Variants in C10orf90 observed in about 807,000 individuals in gnomAD.
The protein encoded by C10orf90 is chromosome 10 open reading frame 90, also known as (E2-independent) E3 ubiquitin-conjugating enzyme FATS.
A neutral mutation model predicts 62.5 loss-of-function variants in C10orf90; 56 were observed. That is an observed-to-expected ratio of 0.90 (90% CI 0.72 to 1.12). The LOEUF is 1.12. Among genes scored for constraint, C10orf90 ranks in the 50% most tolerant of loss-of-function variants. C10orf90 has a pLI of 0.00. For synonymous variants in C10orf90, 386 were observed against 340.4 expected (o/e 1.13, Z -1.47); for missense variants, 970 against 880.4 (o/e 1.10, Z -1.29).
At chr10:126,592,697 T>A (rs1044483560) in intron 2 of C10orf90, among the ~76,000 whole-genome samples, 3 of 152,018 alleles carry the variant, frequency 2.0e-5, no homozygotes, top group African/African-American at 7.2e-5. Flanking sequence ...ACAAATGGGA[T>A]CTAATTAAAC....
chr10:126,544,585 G>A (rs1402967640), intron 2 of C10orf90, among the ~76,000 whole-genome samples: 2 of 151,744 alleles, frequency 1.3e-5, no homozygotes, highest in Non-Finnish European at 2.9e-5. Flanking sequence ...CAGAATTTGT[G>A]ACATTTGGCA....
intron 2 of C10orf90, among the ~76,000 whole-genome samples, chr10:126,601,210 A>G (rs1268894225): frequency 6.6e-6 from 1 of 152,156 alleles, no homozygotes; most frequent in East Asian, 1.9e-4. Context: ...GAGGGTGGGG[A>G]GATGTAGGTT....
chr10:126,634,572 C>A (rs886165100), intron 2 of C10orf90, among the ~76,000 whole-genome samples: 1 of 151,950 alleles, frequency 6.6e-6, no homozygotes, highest in Non-Finnish European at 1.5e-5. Context: ...AACAAGTGTA[C>A]AATAGCGTAT....
At chr10:126,495,665 G>C (rs1862006453) in intron 4 of C10orf90, among the ~76,000 whole-genome samples, 1 of 152,150 alleles carries the variant, frequency 6.6e-6, no homozygotes, top group South Asian at 2.1e-4. Context: ...TTTACAGAAA[G>C]ATATGGACTT....
Position 126,646,597 on chromosome 10 carries a change from G to A in C10orf90, c.281C>T (p.Ala94Val). 2.2e-6 allele frequency: 1 copy of A among 450,024 alleles called. No individual in the cohort carries two copies. Among genetic ancestry groups the A allele is most frequent in the Non-Finnish European group, 4.5e-6 (1 of 224,230 alleles). 27.9% of individuals were successfully genotyped at this position (450,024 alleles called of 1,614,324 possible). The change falls in exon 2 of 10, where the codon GCC (alanine) becomes GTC (valine). Residue 94 changes from alanine to valine, a missense_variant. Ala to Val is a moderately conservative substitution (Grantham distance 64). Coordinates refer to ENST00000488181, the MANE Select transcript of C10orf90 (RefSeq NM_001350921.2). ...GGAAAGACTTTCATTTCTTTCCCAG[G>A]CAGAATGATCTTTGGGGGATGAGAA... is the stretch of plus-strand genomic sequence containing the variant. ...RLFSSPKDHS[A>V]WERNESLSNA...
At chr10:126,556,132 T>C (rs1448440828) in intron 2 of C10orf90, among the ~76,000 whole-genome samples, 1 of 152,232 alleles carries the variant, frequency 6.6e-6, no homozygotes, top group Non-Finnish European at 1.5e-5. Flanking sequence ...TGGCATGTGG[T>C]CAAGTTACAC....
intron 2 of C10orf90, among the ~76,000 whole-genome samples, chr10:126,541,338 T>TA (rs1490553430): frequency 2.6e-5 from 4 of 151,952 alleles, no homozygotes; most frequent in Non-Finnish European, 4.4e-5. Context: ...AATAAAATTT[T>TA]AAAAAACATT....
chr10:126,439,327 G>T (rs1241880436), intron 7 of C10orf90, among the ~76,000 whole-genome samples: 1 of 152,136 alleles, frequency 6.6e-6, no homozygotes, highest in Non-Finnish European at 1.5e-5. Flanking sequence ...TTCCCCCAAT[G>T]AAACCAGTAC....
intron 2 of C10orf90, among the ~76,000 whole-genome samples, chr10:126,519,150 T>C (rs1008061063): frequency 1.3e-5 from 2 of 151,480 alleles, no homozygotes; most frequent in Non-Finnish European, 2.9e-5. Flanking sequence ...TCAGATGGGG[T>C]TGGGTTTAGA....
In C10orf90 at chr10:126,441,878, A is replaced by G. The variant is rs192816487; in HGVS notation, c.2189-12028T>C. On this transcript the variant is annotated intron_variant, in intron 7 of 9. Transcript: ENST00000488181. ...CAAGCCACCACTAAAAGAACTCTAA[A>G]AGTGCTCTAAATCATGAAACAAATC... Among the ~76,000 whole-genome samples, 1,485 of 152,300 alleles carry G rather than the reference A, an allele frequency of 9.8e-3. 10 individuals are homozygous for G. The highest frequency in any genetic ancestry group is 0.031 in the Middle Eastern group (9 of 294).
At position 126,519,085 on chromosome 10, in the gene C10orf90, G is replaced by A. The variant is rs150836694; in HGVS notation, c.314-5146C>T. On this transcript the variant is annotated intron_variant, in intron 2 of 9. Transcript: ENST00000488181. The stretch of plus-strand genomic sequence containing the variant: ...ATAAGCCACGGACAGAGCCCTTCCA[G>A]CAGAGGGAACCAGGAAAAGTTGGTG... Among the ~76,000 whole-genome samples the A allele has an allele frequency of 4.7e-4, 72 of 152,292 alleles. No individual in the cohort carries two copies. The East Asian group carries it at 0.011, about 23-fold the overall frequency.
rs147748702 is a variant in C10orf90, at chr10:126,550,161, G to A, written c.314-36222C>T. Among the ~76,000 whole-genome samples the A allele has an allele frequency of 5.7e-3, 865 of 152,024 alleles. 13 individuals carry two copies. The highest frequency in any genetic ancestry group is 0.02 in the African/African-American group (837 of 41,460). On this transcript the variant is annotated intron_variant, in intron 2 of 9. Transcript: ENST00000488181. ...TTAGTAGACAGGGTTTTGCCATGTTGGCCAGGCTGGTCTCGAACTCCTGAC... is the reference window on the plus strand; with the variant it reads ...TTAGTAGACAGGGTTTTGCCATGTTAGCCAGGCTGGTCTCGAACTCCTGAC...
chr10:126,484,691 A>G (rs1258132771), intron 4 of C10orf90, among the ~76,000 whole-genome samples: 1 of 152,196 alleles, frequency 6.6e-6, no homozygotes, highest in Non-Finnish European at 1.5e-5. Context: ...TGTTCATATC[A>G]TTTACCTAAC....
intron 3 of C10orf90, among the ~76,000 whole-genome samples, chr10:126,508,280 T>C (rs943185104): frequency 6.6e-5 from 10 of 151,104 alleles, no homozygotes; most frequent in South Asian, 2.1e-4. Flanking sequence ...TCAGGATCTA[T>C]GGGGATAAAG....
intron 4 of C10orf90, among the ~76,000 whole-genome samples, chr10:126,484,615 T>C (rs1447441945): frequency 6.6e-6 from 1 of 152,222 alleles, no homozygotes; most frequent in Non-Finnish European, 1.5e-5. Context: ...ACATTGCTAA[T>C]GGCAGCGCAC....
chr10:126,426,059 T>A lies in C10orf90; in HGVS notation c.2284A>T (p.Lys762Ter). The A allele has an allele frequency of 6.2e-7, 1 of 1,614,182 alleles. No homozygotes were observed. The highest frequency in any genetic ancestry group is 8.5e-7 in the Non-Finnish European group (1 of 1,179,994). ...ACCCTTTTCCTTTGTTCTTCTTTTT[T>A]CTTTTTAACTTCCGGCAAGTTATCA... ...IYDNLPEVKK[K>*]KEEQRKRVIL... is the part of the protein sequence containing the mutation. The change falls in exon 9 of 10, where the codon AAA (lysine) becomes TAA (stop). Residue 762 changes from lysine to a stop codon, truncating the protein, a stop_gained. Coordinates refer to ENST00000488181, the MANE Select transcript of C10orf90 (RefSeq NM_001350921.2). LOFTEE classifies it high-confidence loss of function.
At chr10:126,649,605 G>T (rs1846252023) in intron 1 of C10orf90, among the ~76,000 whole-genome samples, 1 of 152,144 alleles carries the variant, frequency 6.6e-6, no homozygotes, top group Non-Finnish European at 1.5e-5. Context: ...TCAAACCAAG[G>T]TCAGGTTTCT....
intron 2 of C10orf90, among the ~76,000 whole-genome samples, chr10:126,597,510 C>G (rs959352708): frequency 6.6e-6 from 1 of 152,314 alleles, no homozygotes; most frequent in South Asian, 2.1e-4. Context: ...GCAAGAAAAA[C>G]TGATGCAGCA....
In C10orf90 at chr10:126,453,813, G is replaced by A. The variant is rs1000872652; in HGVS notation, c.2188+5227C>T. 1.3e-5 allele frequency among the ~76,000 whole-genome samples: 2 copies of A among 152,178 alleles called. No individual in the cohort carries two copies. Among genetic ancestry groups the A allele is most frequent in the Non-Finnish European group, 2.9e-5 (2 of 68,042 alleles). ...ACTTGAGAGGGGCTTGCAAGGTTAG[G>A]CAGGATTTTATAGCACAGAGAGGAG... On this transcript the variant is annotated intron_variant, in intron 7 of 9. Transcript: ENST00000488181. The surrounding 1 kb of genome is among the most constrained non-coding windows in gnomAD (Gnocchi z 4.9).
Sources: allele counts gnomAD v4.1 joint callset (sites outside exome capture counted in the v4.1 genomes callset), GRCh38; gene constraint gnomAD v4.1.1; non-coding constraint Gnocchi (gnomAD v3.1); transcripts MANE v1.5; gene names NCBI Gene and HGNC (gene_info 2026-07-23, HGNC 2026-07-21).